MTUS2: variants seen among roughly 807,000 people sequenced by gnomAD.
MTUS2 encodes the protein microtubule-associated tumor suppressor candidate 2.
MTUS2 carries 40 observed loss-of-function variants against 114.1 expected under a neutral mutation model. The ratio of observed to expected loss-of-function variants is 0.35; its 90% CI spans 0.27 to 0.46. MTUS2 has a LOEUF of 0.46. MTUS2 is among the 20% of genes least tolerant of loss of function. The pLI, the probability that MTUS2 is intolerant of heterozygous loss-of-function variation, is 1.00. For synonymous variants in MTUS2, 688 were observed against 672.0 expected (o/e 1.02, Z -0.37); for missense variants, 1,679 against 1,705.4 (o/e 0.98, Z 0.27).
At chr13:29,155,316 T>C (rs908505956) in intron 5 of MTUS2, among the ~76,000 whole-genome samples, 8 of 152,204 alleles carry the variant, frequency 5.3e-5, no homozygotes, top group Non-Finnish European at 7.3e-5. Flanking sequence ...AGAATTTCAT[T>C]TAAAGAGGCT....
intron 5 of MTUS2, among the ~76,000 whole-genome samples, chr13:29,136,464 C>T (rs1477281114): frequency 1.3e-5 from 2 of 152,170 alleles, no homozygotes; most frequent in African/African-American, 4.8e-5. Context: ...ACCAAGGCTT[C>T]ATCAGGAGGT....
At chr13:29,329,449 G>A (rs1696347500) in intron 7 of MTUS2, among the ~76,000 whole-genome samples, 1 of 152,040 alleles carries the variant, frequency 6.6e-6, no homozygotes, top group Non-Finnish European at 1.5e-5. Context: ...CTCCATCCAT[G>A]GCCCTGCAAA....
intron 4 of MTUS2, among the ~76,000 whole-genome samples, chr13:29,052,630 A>G (rs1028566381): frequency 6.6e-5 from 10 of 152,226 alleles, no homozygotes; most frequent in Admixed American, 2.6e-4. Flanking sequence ...TAAGTAAGCT[A>G]TTGTCCCAAA....
At chr13:29,308,891 A>G (rs565341966) in intron 6 of MTUS2, among the ~76,000 whole-genome samples, 1 of 152,060 alleles carries the variant, frequency 6.6e-6, no homozygotes, top group Non-Finnish European at 1.5e-5. Flanking sequence ...AAAGTTAAAA[A>G]CAAAACAAAA....
chr13:29,302,746 G>T (rs1205069607), intron 6 of MTUS2, among the ~76,000 whole-genome samples: 4 of 152,212 alleles, frequency 2.6e-5, no homozygotes, highest in Non-Finnish European at 5.9e-5. Context: ...GAGAAGACAG[G>T]CGGTCCAGAT....
intron 9 of MTUS2, among the ~76,000 whole-genome samples, chr13:29,471,269 G>A (rs1191147397): frequency 1.3e-5 from 2 of 152,180 alleles, no homozygotes; most frequent in African/African-American, 4.8e-5. Flanking sequence ...CTTGAACCCA[G>A]AAGGCAGAGG....
chr13:29,192,754 G>A (rs1894499856), intron 5 of MTUS2, among the ~76,000 whole-genome samples: 1 of 152,140 alleles, frequency 6.6e-6, no homozygotes, highest in African/African-American at 2.4e-5. Context: ...TATCTAGGCT[G>A]CTTTTCTCAT....
chr13:29,366,842 G>A (rs573615413), intron 8 of MTUS2, among the ~76,000 whole-genome samples: 105 of 152,194 alleles, frequency 6.9e-4, no homozygotes, highest in African/African-American at 2.5e-3. Flanking sequence ...CTGGTTTCTA[G>A]CAGGAGTTAA....
intron 2 of MTUS2, among the ~76,000 whole-genome samples, chr13:29,000,967 G>A (rs1885359160): frequency 6.6e-6 from 1 of 152,146 alleles, no homozygotes; most frequent in South Asian, 2.1e-4. Flanking sequence ...CAGTTCCGCT[G>A]AACACTTGTC....
chr13:28,902,244 T>C (rs1879689237), intron 2 of MTUS2, among the ~76,000 whole-genome samples: 1 of 152,180 alleles, frequency 6.6e-6, no homozygotes. Flanking sequence ...TCTTGGGAAA[T>C]TCTATGTAGC....
At chr13:29,485,651 T>C (rs1451344733) in intron 10 of MTUS2, among the ~76,000 whole-genome samples, 2 of 152,200 alleles carry the variant, frequency 1.3e-5, no homozygotes, top group Non-Finnish European at 2.9e-5. Context: ...ATGGGCGTGG[T>C]ATTCCATCAC....
At chr13:29,321,718 T>C (rs1262544814) in intron 6 of MTUS2, among the ~76,000 whole-genome samples, 4 of 152,258 alleles carry the variant, frequency 2.6e-5, no homozygotes, top group Non-Finnish European at 4.4e-5. Context: ...TTACAAAATA[T>C]GGAACTAATG....
chr13:28,847,997 CT>C (rs1876002105), intron 2 of MTUS2, among the ~76,000 whole-genome samples: 1 of 152,158 alleles, frequency 6.6e-6, no homozygotes, highest in South Asian at 2.1e-4. Flanking sequence ...TCACTATACA[CT>C]TATCTGCAGG....
At chr13:28,882,992 C>G (rs149138471) in intron 2 of MTUS2, among the ~76,000 whole-genome samples, 82 of 152,230 alleles carry the variant, frequency 5.4e-4, no homozygotes, top group African/African-American at 1.8e-3. Flanking sequence ...AAGACATGAG[C>G]AGACTTTACA....
intron 5 of MTUS2, among the ~76,000 whole-genome samples, chr13:29,175,374 A>G (rs923963922): frequency 9.2e-5 from 14 of 152,212 alleles, no homozygotes; most frequent in Admixed American, 9.2e-4. Context: ...GTCCCTTCAT[A>G]ATCACAGTCA....
chr13:29,027,368 G>A (rs78061792), intron 3 of MTUS2, among the ~76,000 whole-genome samples: 7,158 of 152,138 alleles, frequency 0.047, 550 homozygotes, highest in African/African-American at 0.16. Flanking sequence ...AGCAGAAAAC[G>A]GTGTGTTAGG....
intron 8 of MTUS2, among the ~76,000 whole-genome samples, chr13:29,438,505 G>C (rs1236350340): frequency 6.6e-6 from 1 of 152,116 alleles, no homozygotes; most frequent in African/African-American, 2.4e-5. Context: ...GTACCTTCTG[G>C]CTGTATCCTC....
chr13:29,036,671 CT>C (rs897857532), intron 4 of MTUS2, among the ~76,000 whole-genome samples: 15 of 152,164 alleles, frequency 9.9e-5, no homozygotes, highest in African/African-American at 3.4e-4. Context: ...TAAGAACTTG[CT>C]TTATGAATCT....
chr13:29,141,038 A>G (rs1892200605), intron 5 of MTUS2, among the ~76,000 whole-genome samples: 1 of 152,240 alleles, frequency 6.6e-6, no homozygotes. Flanking sequence ...ATTCTGAACT[A>G]AATTTGTCAT....
Sources: allele counts gnomAD v4.1 joint callset (sites outside exome capture counted in the v4.1 genomes callset), GRCh38; gene constraint gnomAD v4.1.1; transcripts MANE v1.5; gene names NCBI Gene and HGNC (gene_info 2026-07-23, HGNC 2026-07-21).